Variants in TTC21B observed in about 807,000 individuals in gnomAD.
The protein encoded by TTC21B is tetratricopeptide repeat protein 21B.
A neutral mutation model predicts 175.1 loss-of-function variants in TTC21B; 127 were observed. The ratio of observed to expected loss-of-function variants is 0.73; its 90% confidence interval spans 0.63 to 0.84. The LOEUF is 0.84. Among genes scored for constraint, TTC21B ranks in the 40% least tolerant of loss-of-function variants. The pLI is 0.00. For missense variants in TTC21B, 1,561 were observed against 1,558.3 expected, an observed-to-expected ratio of 1.00 and a Z score of -0.03; for synonymous variants, 524 against 524.5, an observed-to-expected ratio of 1.00 and a Z score of 0.01.
chr2:165,949,590 C>A lies in TTC21B; in HGVS notation c.151+5G>T, dbSNP rs746314183. On this transcript the variant is annotated splice_donor_5th_base_variant and intron_variant, in intron 2 of 28. Coordinates refer to ENST00000243344, the MANE Select transcript of TTC21B (RefSeq NM_024753.5). ...GATGGAACATGTTTAATGATTAACA[C>A]GTACCTTCCATTAATGTGCCATAGG... 6.2e-7 allele frequency: 1 copy of A among 1,613,758 alleles called. No homozygotes were observed.
rs551530363 is a variant in TTC21B, at chr2:165,944,662, C to G, written c.429+862G>C. ...CAATAGCCTCTCAATGCATGTCAATCAGATACAAATATTTTTAACTAGCAG... is the reference window on the plus strand; with the variant it reads ...CAATAGCCTCTCAATGCATGTCAATGAGATACAAATATTTTTAACTAGCAG... On this transcript the variant is annotated intron_variant, in intron 4 of 28. Transcript: ENST00000243344. Among the ~76,000 whole-genome samples the G allele has an allele frequency of 1.1e-4, 17 of 152,286 alleles. No homozygotes were observed. In the South Asian group the frequency reaches 3.1e-3, roughly 28 times the overall value.
chr2:165,938,116 A>C (rs1687226643), intron 6 of TTC21B, among the ~76,000 whole-genome samples: 1 of 78,490 alleles, frequency 1.3e-5, no homozygotes, highest in Non-Finnish European at 2.4e-5. Flanking sequence ...AATGTCCAGA[A>C]GCACTCATCT....
chr2:165,925,832 GCAAA>G (rs1686606031), intron 11 of TTC21B, among the ~76,000 whole-genome samples: 1 of 151,998 alleles, frequency 6.6e-6, no homozygotes, highest in African/African-American at 2.4e-5. Flanking sequence ...TAGATACAGA[GCAAA>G]CAGTTTAAAA....
intron 14 of TTC21B, among the ~76,000 whole-genome samples, chr2:165,916,622 T>G (rs6761195): frequency 0.38 from 58,029 of 151,916 alleles, 11,408 homozygotes; most frequent in African/African-American, 0.45. Flanking sequence ...GTGTTTGTGT[T>G]TATGTGTATA....
At chr2:165,915,814 T>C (rs1156395769) in intron 14 of TTC21B, among the ~76,000 whole-genome samples, 1 of 152,210 alleles carries the variant, frequency 6.6e-6, no homozygotes, top group African/African-American at 2.4e-5. Flanking sequence ...TGTTACACTT[T>C]GGGTGAATAT....
chr2:165,906,589 T>A (rs915997518), intron 19 of TTC21B, among the ~76,000 whole-genome samples: 3 of 151,912 alleles, frequency 2.0e-5, no homozygotes, highest in African/African-American at 7.3e-5. Flanking sequence ...CAGTCTGAAA[T>A]CTATTAAAAA....
chr2:165,886,292 T>C (rs2105287122), intron 25 of TTC21B, among the ~76,000 whole-genome samples: 1 of 152,372 alleles, frequency 6.6e-6, no homozygotes. Context: ...ACAGCATTTT[T>C]ATTTGCAATT....
intron 9 of TTC21B, 100 bp downstream of exon 9, chr2:165,930,072 T>G: frequency 8.1e-7 from 1 of 1,231,510 alleles, no homozygotes; most frequent in Non-Finnish European, 1.2e-6. Context: ...AATTTAAGTT[T>G]AGAAAACCAC....
At chr2:165,875,577 T>C (rs1032738986) in intron 28 of TTC21B, among the ~76,000 whole-genome samples, 12 of 152,172 alleles carry the variant, frequency 7.9e-5, no homozygotes, top group African/African-American at 2.2e-4. Context: ...TAAATATTTG[T>C]CATTTTAGTA....
chr2:165,927,282 AT>A (rs1686699370), intron 11 of TTC21B, among the ~76,000 whole-genome samples: 1 of 101,092 alleles, frequency 9.9e-6, no homozygotes, highest in East Asian at 2.7e-4. Context: ...ATATATATAT[AT>A]ATCCTAGTAG....
In TTC21B at chr2:165,907,690, A is replaced by T. The variant is rs1276171257; in HGVS notation, c.2556T>A (p.Thr852=). ...SKMEKLGDAI[T]ALQQARELQA... is the part of the protein sequence containing the mutation. ...CAAATGTGTTTACCTGTTGTAATGC[A>T]GTGATCGCATCACCAAGTTTTTCCA... Residue 852 remains threonine, a synonymous_variant, in exon 19 of 29, where the codon ACT becomes ACA. Transcript: ENST00000243344. 3 of 1,609,468 alleles carry T rather than the reference A, an allele frequency of 1.9e-6. No homozygotes were observed. Among genetic ancestry groups the T allele is most frequent in the Non-Finnish European group, 2.5e-6 (3 of 1,176,716 alleles).
chr2:165,924,108 A>G (rs1686529579), intron 12 of TTC21B, among the ~76,000 whole-genome samples: 1 of 152,118 alleles, frequency 6.6e-6, no homozygotes, highest in Non-Finnish European at 1.5e-5. Flanking sequence ...TTAGAAAACT[A>G]AGGTTATAAA....
chr2:165,906,962 A>G (rs1436947703), intron 19 of TTC21B, among the ~76,000 whole-genome samples: 2 of 150,730 alleles, frequency 1.3e-5, no homozygotes, highest in East Asian at 3.9e-4. Flanking sequence ...TCTCAAAAAA[A>G]AAAAAAAAAA....
chr2:165,881,697 C>T (rs1315736183), intron 26 of TTC21B, among the ~76,000 whole-genome samples: 1 of 152,036 alleles, frequency 6.6e-6, no homozygotes, highest in East Asian at 1.9e-4. Context: ...CTACTTCAAA[C>T]ATCAGTGCTA....
At chr2:165,950,881 T>A (rs899201184) in intron 1 of TTC21B, among the ~76,000 whole-genome samples, 1 of 152,200 alleles carries the variant, frequency 6.6e-6, no homozygotes, top group African/African-American at 2.4e-5. Flanking sequence ...GTGCTGAGAT[T>A]ACAGGCGTGA....
chr2:165,933,637 G>A (rs1050347753), intron 6 of TTC21B, among the ~76,000 whole-genome samples: 3 of 152,076 alleles, frequency 2.0e-5, no homozygotes, highest in East Asian at 1.9e-4. Context: ...AAAAGGTAAC[G>A]CCCCAGACTT....
intron 12 of TTC21B, 23 bp from the exon 13 acceptor site, chr2:165,919,456 G>A (rs1298368993): frequency 1.9e-6 from 3 of 1,610,914 alleles, no homozygotes; most frequent in Non-Finnish European, 8.5e-7. Context: ...ACAATGCATT[G>A]TTATAATTCA....
chr2:165,885,100 T>C (rs1441312545), intron 25 of TTC21B, among the ~76,000 whole-genome samples: 1 of 152,154 alleles, frequency 6.6e-6, no homozygotes, highest in African/African-American at 2.4e-5. Context: ...CAGTGAGTTA[T>C]GATCGTGCCA....
At chr2:165,898,462 C>T (rs1685445174) in intron 22 of TTC21B, among the ~76,000 whole-genome samples, 1 of 152,144 alleles carries the variant, frequency 6.6e-6, no homozygotes. Flanking sequence ...TTTTGGAATA[C>T]AGTAGGATTA....
Sources: allele counts gnomAD v4.1 joint callset (sites outside exome capture counted in the v4.1 genomes callset), GRCh38; gene constraint gnomAD v4.1.1; transcripts MANE v1.5; gene names NCBI Gene and HGNC (gene_info 2026-07-23, HGNC 2026-07-21).